The following CCDC192 variants were observed in gnomAD, a reference collection of about 807,000 sequenced individuals.
The protein encoded by CCDC192 is coiled-coil domain-containing protein 192.
In CCDC192 at chr5:127,875,562, A is replaced by C. The variant is rs550519713; in HGVS notation, c.436A>C (p.Lys146Gln). ...GAAACTAAAGCATGAAAAGAAAGTG[A>C]AAAAACTACAGACTGATTTGGCAAC... Reference protein sequence around the residue: ...AQKLKHEKKVKKLQTDLATAN... With the variant: ...AQKLKHEKKVQKLQTDLATAN... The change falls in exon 6 of 7, where the codon AAA (lysine) becomes CAA (glutamine). Residue 146 changes from lysine to glutamine, a missense_variant. Lys to Gln is a moderately conservative substitution (Grantham distance 53). Transcript: ENST00000514853. The C allele has an allele frequency of 1.0e-5, 4 of 398,814 alleles. No homozygotes were observed. The East Asian group carries it at 1.4e-4, about 14-fold the overall frequency. 24.7% of individuals were successfully genotyped at this position (398,814 alleles called of 1,614,324 possible).
At chr5:127,900,822 CTTTT>C (rs1241724460) in intron 6 of CCDC192, among the ~76,000 whole-genome samples, 2 of 152,088 alleles carry the variant, frequency 1.3e-5, no homozygotes, top group African/African-American at 4.8e-5. Context: ...CTTAAAAATT[CTTTT>C]TTATTAAAGC....
intron 3 of CCDC192, among the ~76,000 whole-genome samples, chr5:127,780,167 A>G (rs1187109920): frequency 6.6e-6 from 1 of 151,988 alleles, no homozygotes; most frequent in Non-Finnish European, 1.5e-5. Flanking sequence ...ACGTATACGC[A>G]CACACATATA....
intron 5 of CCDC192, among the ~76,000 whole-genome samples, chr5:127,835,417 A>T (rs1162372377): frequency 1.3e-5 from 2 of 152,160 alleles, no homozygotes; most frequent in Non-Finnish European, 2.9e-5. Context: ...CTGAGGATGC[A>T]CACAGTGTTT....
intron 3 of CCDC192, among the ~76,000 whole-genome samples, chr5:127,792,401 G>T (rs889960840): frequency 6.6e-6 from 1 of 152,036 alleles, no homozygotes; most frequent in Admixed American, 6.6e-5. Flanking sequence ...AAACAGCAGT[G>T]TAGGGGTAAC....
intron 6 of CCDC192, among the ~76,000 whole-genome samples, chr5:127,904,590 C>T (rs1189011476): frequency 1.3e-5 from 2 of 151,390 alleles, no homozygotes; most frequent in African/African-American, 2.4e-5. Flanking sequence ...GCAGCCTCCA[C>T]CTCCTGGGTT....
upstream of CCDC192, among the ~76,000 whole-genome samples, chr5:127,702,510 C>T (rs1214430760): frequency 6.6e-6 from 1 of 152,192 alleles, no homozygotes; most frequent in African/African-American, 2.4e-5. Context: ...TAATTATACT[C>T]TTTAATAGAT....
chr5:127,862,325 C>T (rs1238541121), intron 5 of CCDC192, among the ~76,000 whole-genome samples: 1 of 152,174 alleles, frequency 6.6e-6, no homozygotes, highest in Non-Finnish European at 1.5e-5. Flanking sequence ...GAGTTACTGC[C>T]ATCTCTACTT....
chr5:127,741,503 G>C (rs1383213061), intron 2 of CCDC192, among the ~76,000 whole-genome samples: 1 of 152,196 alleles, frequency 6.6e-6, no homozygotes, highest in Non-Finnish European at 1.5e-5. Context: ...ATTATGTGCA[G>C]GTGTGCTTAC....
chr5:127,788,703 T>C (rs182153179), intron 3 of CCDC192, among the ~76,000 whole-genome samples: 1 of 152,340 alleles, frequency 6.6e-6, no homozygotes, highest in Admixed American at 6.5e-5. Context: ...TATGTTAGTA[T>C]GCTTAATAGT....
At chr5:127,800,484 A>G (rs1235200966) in intron 5 of CCDC192, among the ~76,000 whole-genome samples, 2 of 151,966 alleles carry the variant, frequency 1.3e-5, no homozygotes, top group African/African-American at 4.8e-5. Context: ...TGTACAAACA[A>G]TCTCCAAGAA....
At chr5:127,723,752 CA>C (rs1276541895) in intron 2 of CCDC192, among the ~76,000 whole-genome samples, 1 of 152,176 alleles carries the variant, frequency 6.6e-6, no homozygotes. Flanking sequence ...TGCAGCCTCT[CA>C]GGAAGGAAGT....
chr5:127,741,153 C>G (rs903607733), intron 2 of CCDC192, among the ~76,000 whole-genome samples: 1 of 152,094 alleles, frequency 6.6e-6, no homozygotes, highest in Non-Finnish European at 1.5e-5. Flanking sequence ...CTCCACTTCC[C>G]AGGCCCAAGC....
chr5:127,875,699 C>G (rs546921741), intron 6 of CCDC192, 38 bp downstream of exon 6: 2 of 398,300 alleles, frequency 5.0e-6, no homozygotes, highest in African/African-American at 2.1e-5. Context: ...ACTGGCCCGT[C>G]AGCTGGGTGA....
chr5:127,784,785 T>G (rs1269381836), intron 3 of CCDC192: 1 of 487,330 alleles, frequency 2.1e-6, no homozygotes, highest in Non-Finnish European at 4.0e-6. Context: ...TTCCTCATCT[T>G]CATGATTCTC....
At chr5:127,732,326 T>C (rs1752687110) in intron 2 of CCDC192, among the ~76,000 whole-genome samples, 1 of 152,062 alleles carries the variant, frequency 6.6e-6, no homozygotes, top group Non-Finnish European at 1.5e-5. Flanking sequence ...TGGCAATTAT[T>C]AAAAAGTCAA....
intron 2 of CCDC192, among the ~76,000 whole-genome samples, chr5:127,737,145 G>A (rs1753062735): frequency 6.6e-6 from 1 of 151,640 alleles, no homozygotes; most frequent in Admixed American, 6.6e-5. Flanking sequence ...GTTCTCGTTG[G>A]TTTCAAAGAA....
chr5:127,885,031 C>T (rs1752510636), intron 6 of CCDC192, among the ~76,000 whole-genome samples: 2 of 151,970 alleles, frequency 1.3e-5, no homozygotes, highest in South Asian at 4.2e-4. Context: ...GTTTATAAGA[C>T]TAATTTTGGA....
chr5:127,707,692 T>C lies in CCDC192; in HGVS notation c.63-17T>C, dbSNP rs187461. 267,257 of 397,926 alleles carry C rather than the reference T, an allele frequency of 0.67. 90,190 individuals are homozygous for C. The highest frequency in any genetic ancestry group is 0.75 in the African/African-American group (36,553 of 48,596). The allele number at this position is 397,926 out of a possible 1,614,324, so 24.6% of individuals were successfully genotyped here. A position where few individuals can be genotyped will look rare whatever the true frequency, so the allele number is the denominator to read the frequency against. ...TGAAATAAAATTTTGGAATTCTAAA[T>C]GTTTACTTTTTTTCAGCATGACGTC... On this transcript the variant is annotated splice_polypyrimidine_tract_variant and intron_variant, in intron 1 of 6. Transcript: ENST00000514853.
At chr5:127,720,971 G>A (rs1751987334) in intron 2 of CCDC192, among the ~76,000 whole-genome samples, 1 of 152,196 alleles carries the variant, frequency 6.6e-6, no homozygotes, top group African/African-American at 2.4e-5. Flanking sequence ...TTCTTCCTTG[G>A]CCTCCAGGCC....
Sources: gnomAD v4.1 joint callset for allele counts (sites outside exome capture counted in the v4.1 genomes callset) on GRCh38, gnomAD v4.1.1 for gene constraint, MANE v1.5 for transcripts, NCBI Gene and HGNC (gene_info 2026-07-23, HGNC 2026-07-21) for gene names.